The following NIBAN1 variants were observed in gnomAD, a reference collection of about 807,000 sequenced individuals.
NIBAN1 encodes niban apoptosis regulator 1.
A neutral mutation model predicts 75.1 loss-of-function variants in NIBAN1; 81 were observed. The ratio of observed to expected loss-of-function variants is 1.08; its 90% CI spans 0.90 to 1.30. The LOEUF is 1.30. NIBAN1 is among the 50% of genes most tolerant of loss of function. The pLI, the probability that NIBAN1 is intolerant of heterozygous loss-of-function variation, is 0.00. For missense variants in NIBAN1, 1,133 were observed against 1,128.1 expected, an observed-to-expected ratio of 1.00 and a Z score of -0.06; for synonymous variants, 436 against 424.8, an observed-to-expected ratio of 1.03 and a Z score of -0.32.
At position 184,798,100 on chromosome 1, in the gene NIBAN1, G is replaced by T; in HGVS notation, c.1645C>A (p.Leu549Met). 1 of 1,610,362 alleles carries T rather than the reference G, an allele frequency of 6.2e-7. No individual in the cohort carries two copies. Among genetic ancestry groups the T allele is most frequent in the South Asian group, 1.1e-5 (1 of 90,848 alleles). Residue 549 changes from leucine (L) to methionine (M), a missense_variant, in exon 13 of 14, where the codon CTG (leucine) becomes ATG (methionine). Transcript: ENST00000367511. ...TTACCTTTCAGAGTTTCATCAAGCA[G>T]GATCTGATGTAAAATCTCCTCATAG... ...NVYEEILHQI[L>M]LDETLKVIKE...
intron 9 of NIBAN1, among the ~76,000 whole-genome samples, chr1:184,815,745 C>T (rs540291195): frequency 5.3e-5 from 8 of 152,270 alleles, no homozygotes; most frequent in African/African-American, 1.9e-4. Context: ...TTTAGTGGTA[C>T]ACACGTTGCC....
intron 1 of NIBAN1, among the ~76,000 whole-genome samples, chr1:184,969,382 C>G (rs1312060001): frequency 6.6e-6 from 1 of 152,172 alleles, no homozygotes; most frequent in Non-Finnish European, 1.5e-5. Flanking sequence ...GGCTAGCTCC[C>G]CTCCTGCTCA....
chr1:184,957,612 T>A (rs183647404), intron 1 of NIBAN1, among the ~76,000 whole-genome samples: 2 of 152,334 alleles, frequency 1.3e-5, no homozygotes, highest in Admixed American at 1.3e-4. Flanking sequence ...ACAAATTGAT[T>A]AACATAATGG....
chr1:184,805,293 T>C (rs1403907491), intron 11 of NIBAN1, among the ~76,000 whole-genome samples: 1 of 152,206 alleles, frequency 6.6e-6, no homozygotes, highest in Admixed American at 6.5e-5. Context: ...AAGCTCACCA[T>C]TGATCAGCCT....
intron 1 of NIBAN1, among the ~76,000 whole-genome samples, chr1:184,930,815 A>C (rs1030521002): frequency 3.3e-5 from 5 of 152,162 alleles, no homozygotes; most frequent in African/African-American, 1.2e-4. Flanking sequence ...TGTGGTCACC[A>C]AATGTACATT....
chr1:184,899,357 C>T (rs767712524), intron 1 of NIBAN1, 48 bp from the exon 2 acceptor site: 37 of 1,593,206 alleles, frequency 2.3e-5, no homozygotes, highest in Non-Finnish European at 3.1e-5. Context: ...ACAGAATATA[C>T]ACCTATCTAC....
chr1:184,967,227 G>C (rs1466934119), intron 1 of NIBAN1, among the ~76,000 whole-genome samples: 2 of 151,976 alleles, frequency 1.3e-5, no homozygotes, highest in African/African-American at 2.4e-5. Flanking sequence ...CTCTGTGTGT[G>C]TGTGTGTGTG....
chr1:184,900,868 A>C (rs982692655), intron 1 of NIBAN1, among the ~76,000 whole-genome samples: 3 of 152,252 alleles, frequency 2.0e-5, no homozygotes, highest in African/African-American at 7.2e-5. Flanking sequence ...ATATTCCAAA[A>C]TATTTTAAAG....
chr1:184,890,452 C>T (rs1656638038), intron 3 of NIBAN1, among the ~76,000 whole-genome samples: 2 of 152,186 alleles, frequency 1.3e-5, no homozygotes, highest in African/African-American at 4.8e-5. Flanking sequence ...ATCAGAGTCC[C>T]TAATCTCAGG....
intron 8 of NIBAN1, 105 bp from the exon 9 acceptor site, chr1:184,818,930 G>T: frequency 1.6e-6 from 2 of 1,270,530 alleles, no homozygotes; most frequent in Non-Finnish European, 2.1e-6. Context: ...CCATTTAACA[G>T]CCAAGGCAAG....
At chr1:184,812,328 T>A (rs1184695044) in intron 9 of NIBAN1, among the ~76,000 whole-genome samples, 1 of 152,192 alleles carries the variant, frequency 6.6e-6, no homozygotes, top group East Asian at 1.9e-4. Context: ...ATATGTTTTA[T>A]CATACATATT....
chr1:184,909,948 T>A (rs1657198241), intron 1 of NIBAN1, among the ~76,000 whole-genome samples: 1 of 152,170 alleles, frequency 6.6e-6, no homozygotes, highest in African/African-American at 2.4e-5. Flanking sequence ...AAAGCTATGG[T>A]ACATGATGCT....
intron 1 of NIBAN1, among the ~76,000 whole-genome samples, chr1:184,911,705 T>C (rs569397934): frequency 2.6e-5 from 4 of 152,246 alleles, no homozygotes; most frequent in Non-Finnish European, 5.9e-5. Flanking sequence ...TTAAAAAGTC[T>C]TTAACAAAGC....
chr1:184,815,687 C>T (rs1200020672), intron 9 of NIBAN1, among the ~76,000 whole-genome samples: 1 of 152,144 alleles, frequency 6.6e-6, no homozygotes, highest in Non-Finnish European at 1.5e-5. Flanking sequence ...CATGAATAGC[C>T]TTATACTTTA....
At chr1:184,806,302 G>C (rs1343140514) in intron 10 of NIBAN1, among the ~76,000 whole-genome samples, 3 of 152,232 alleles carry the variant, frequency 2.0e-5, no homozygotes, top group African/African-American at 7.2e-5. Flanking sequence ...CAAGCATTCT[G>C]TCATCTCCCG....
chr1:184,951,722 C>G (rs1658363296), intron 1 of NIBAN1, among the ~76,000 whole-genome samples: 1 of 152,170 alleles, frequency 6.6e-6, no homozygotes, highest in South Asian at 2.1e-4. Flanking sequence ...ATTCTCTACA[C>G]AACAGTCAGA....
intron 1 of NIBAN1, among the ~76,000 whole-genome samples, chr1:184,924,987 T>A (rs1571578261): frequency 6.6e-6 from 1 of 152,254 alleles, no homozygotes; most frequent in East Asian, 1.9e-4. Context: ...GTTTCATTGA[T>A]CTTTTGTATT....
At chr1:184,952,779 T>C (rs1421206280) in intron 1 of NIBAN1, among the ~76,000 whole-genome samples, 3 of 152,200 alleles carry the variant, frequency 2.0e-5, no homozygotes, top group Non-Finnish European at 4.4e-5. Flanking sequence ...ATTAAACAAC[T>C]TGTTTCACTA....
Position 184,818,763 on chromosome 1 carries a change from T to G in NIBAN1, c.1048A>C (p.Ile350Leu). The G allele has an allele frequency of 6.2e-7, 1 of 1,612,660 alleles. No homozygotes were observed. The highest frequency in any genetic ancestry group is 8.5e-7 in the Non-Finnish European group (1 of 1,178,810). Residue 350 changes from isoleucine to leucine, a missense_variant, in exon 9 of 14, where the codon ATC (isoleucine) becomes CTC (leucine). Transcript: ENST00000367511. ...ACTGGTCCCATGAGCTCCTCCAGGA[T>G]GGATGCCAGGAATGGCTGCACACTC... ...LESVQPFLAS[I>L]LEELMGPVSS...
Sources: gnomAD v4.1 joint callset for allele counts (sites outside exome capture counted in the v4.1 genomes callset) on GRCh38, gnomAD v4.1.1 for gene constraint, MANE v1.5 for transcripts, NCBI Gene and HGNC (gene_info 2026-07-23, HGNC 2026-07-21) for gene names.